CLIP3: variants seen among roughly 807,000 people sequenced by gnomAD.
CLIP3 encodes the protein CAP-Gly domain-containing linker protein 3.
A neutral mutation model predicts 59.4 loss-of-function variants in CLIP3; 15 were observed. The ratio of observed to expected loss-of-function variants is 0.25; its 90% confidence interval spans 0.17 to 0.39. CLIP3 has a LOEUF of 0.39. CLIP3 is among the 10% of genes least tolerant of loss of function. CLIP3 has a pLI of 1.00. For missense variants in CLIP3, 495 were observed against 765.7 expected (o/e 0.65, Z 4.17); for synonymous variants, 300 against 321.6 (o/e 0.93, Z 0.72).
Position 36,016,245 on chromosome 19 carries a change from G to A in CLIP3, c.1590-33C>T, listed in dbSNP as rs1968796311. ...GGAGGATGACAGGGTCACGCCCTTA[G>A]GCAGGCAGCGGGGACATCTGCACCC... On this transcript the variant is annotated intron_variant, in intron 13 of 13. Transcript: ENST00000360535. The surrounding 1 kb of genome is among the most constrained non-coding windows in gnomAD (Gnocchi z 4.1). 6.2e-7 allele frequency: 1 copy of A among 1,613,252 alleles called. No individual in the cohort carries two copies. The highest frequency in any genetic ancestry group is 8.5e-7 in the Non-Finnish European group (1 of 1,179,498).
chr19:36,024,989 C>A (rs1303263553), intron 6 of CLIP3, among the ~76,000 whole-genome samples: 4 of 151,714 alleles, frequency 2.6e-5, no homozygotes, highest in Non-Finnish European at 5.9e-5. Context: ...TCGCTTGAAT[C>A]CGGGAAGCAG....
rs1344237868 is a variant in CLIP3 at position 36,024,390 on chromosome 19, CCT to C, written c.918+4_918+5del. On this transcript the variant is annotated splice_donor_5th_base_variant and intron_variant, in intron 7 of 13. Transcript: ENST00000360535. Reference sequence around the variant, plus strand: ...CACCATGCAAACACACATCCCAGCCCCTGACCTTCTGGCCATCCAGCAGCACG... The same window carrying C: ...CACCATGCAAACACACATCCCAGCCCGACCTTCTGGCCATCCAGCAGCACG... The C allele has an allele frequency of 6.2e-7, 1 of 1,612,422 alleles. No homozygotes were observed. The highest frequency in any genetic ancestry group is 1.1e-5 in the South Asian group (1 of 90,956).
At position 36,017,425 on chromosome 19, in the gene CLIP3, C is replaced by G. The variant is rs748292401; in HGVS notation, c.1477G>C (p.Gly493Arg). 6.2e-7 allele frequency: 1 copy of G among 1,613,648 alleles called. No homozygotes were observed. Among genetic ancestry groups the G allele is most frequent in the African/African-American group, 1.3e-5 (1 of 75,012 alleles). Reference protein sequence around the residue: ...QRIGGSTDSPGDSVGAKKVHQ... With the variant: ...QRIGGSTDSPRDSVGAKKVHQ... The stretch of plus-strand genomic sequence containing the variant: ...ACTTTTTTGGCTCCAACGCTGTCCC[C>G]GGGGGAATCAGTGGATCCGCCAATC... The change falls in exon 12 of 14, where the codon GGG (glycine) becomes CGG (arginine). Residue 493 changes from glycine (G) to arginine (R), a missense_variant. Transcript: ENST00000360535.
At position 36,026,959 on chromosome 19, in the gene CLIP3, G is replaced by C; in HGVS notation, c.393C>G (p.His131Gln). ...LLHYACKAGA[H>Q]GVGDPAAAVR... is the part of the protein sequence containing the mutation. ...GGGGTAGGGGGCCCTCACCGACTCC[G>C]TGGGCCCCAGCTTTGCACGCATAGT... is the stretch of plus-strand genomic sequence containing the variant. Residue 131 changes from histidine (H) to glutamine (Q), a missense_variant, in exon 4 of 14, where the codon CAC becomes CAG. Physicochemically the swap from His to Gln is conservative, Grantham distance 24. Coordinates refer to ENST00000360535, the MANE Select transcript of CLIP3 (RefSeq NM_015526.3). The surrounding 1 kb of genome is among the most constrained non-coding windows in gnomAD (Gnocchi z 6.3). 1 of 1,544,600 alleles carries C rather than the reference G, an allele frequency of 6.5e-7. No homozygotes were observed. The highest frequency in any genetic ancestry group is 8.7e-7 in the Non-Finnish European group (1 of 1,147,982).
rs752964589 is a variant in CLIP3 at position 36,032,263 on chromosome 19, C to A, written c.95G>T (p.Ser32Ile). 2 of 1,300,016 alleles carry A rather than the reference C, an allele frequency of 1.5e-6. No homozygotes were observed. Among genetic ancestry groups the A allele is most frequent in the African/African-American group, 3.0e-5 (2 of 65,702 alleles). 80.5% of individuals were successfully genotyped at this position (1,300,016 alleles called of 1,614,324 possible). Residue 32 changes from serine (S) to isoleucine (I), a missense_variant, in exon 2 of 14, where the codon AGC becomes ATC. By Grantham distance (142) the Ser-to-Ile change is moderately radical. Around this residue, in one of 5 missense-constraint regions of CLIP3, gnomAD observed 90 missense variants for 105.2 expected, o/e 0.86. Transcript: ENST00000360535. This position sits in a 1 kb window ranked among gnomAD's most constrained non-coding sequence, Gnocchi z 4.3. ...EEDEPVPEAP[S>I]PTQERRQKPV... ...CTTCTGCCGGCGCTCCTGGGTGGGGCTGGGGGCCTCGGGGACGGGTTCATC... is the reference window on the plus strand; with the variant it reads ...CTTCTGCCGGCGCTCCTGGGTGGGGATGGGGGCCTCGGGGACGGGTTCATC...
In CLIP3 at chr19:36,026,500, CTT is replaced by C; in HGVS notation, c.562+84_562+85del. On this transcript the variant is annotated intron_variant, in intron 5 of 13. Transcript: ENST00000360535. The surrounding 1 kb of genome is among the most constrained non-coding windows in gnomAD (Gnocchi z 6.3). ...GCTATCTCCTCAGATCACCGTCCTC[CTT>C]CCCCTCGCAGCCTGGCCTCACCTGG... 1 of 1,560,576 alleles carries C rather than the reference CTT, an allele frequency of 6.4e-7. No homozygotes were observed. The highest frequency in any genetic ancestry group is 1.2e-5 in the South Asian group (1 of 86,364).
At chr19:36,028,801 C>G (rs1270386774) in intron 2 of CLIP3, among the ~76,000 whole-genome samples, 7 of 152,090 alleles carry the variant, frequency 4.6e-5, no homozygotes, top group Admixed American at 4.6e-4. Flanking sequence ...CCACACTGGG[C>G]TCCCTCTGTC....
rs71167588 is a variant in CLIP3 at position 36,028,996 on chromosome 19, C to CTTTTT, written c.167-1730_167-1726dup. Among the ~76,000 whole-genome samples, 33 of 65,278 alleles carry CTTTTT rather than the reference C, an allele frequency of 5.1e-4. 7 individuals are homozygous for CTTTTT. Among genetic ancestry groups the CTTTTT allele is most frequent in the African/African-American group, 2.2e-3 (33 of 15,186 alleles). The allele number at this position is 65,278 out of a possible 152,430, so 42.8% of individuals were successfully genotyped here. On this transcript the variant is annotated intron_variant, in intron 2 of 13. Transcript: ENST00000360535. ...CACCCGCCCTTCTCCATCTCCTACT[C>CTTTTT]TTTTTTTTTTTTTTTTTTTTTTTTT...
Position 36,016,964 on chromosome 19 carries a change from C to T in CLIP3, c.1532G>A (p.Arg511His), listed in dbSNP as rs774871864. 44 of 1,613,788 alleles carry T rather than the reference C, an allele frequency of 2.7e-5. No individual in the cohort carries two copies. The East Asian group carries it at 7.8e-4, about 29-fold the overall frequency. ...VHQVTMTQPK[R>H]TFTTVRTPKD... Reference sequence around the variant, plus strand: ...TGGGGTCCGGACTGTGGTGAAGGTGCGTTTGGGCTGCGTCACTGAAGAGGA... The same window carrying T: ...TGGGGTCCGGACTGTGGTGAAGGTGTGTTTGGGCTGCGTCACTGAAGAGGA... The change falls in exon 13 of 14, where the codon CGC (arginine) becomes CAC (histidine). Residue 511 changes from arginine to histidine, a missense_variant. Coordinates refer to ENST00000360535, the MANE Select transcript of CLIP3 (RefSeq NM_015526.3). The surrounding 1 kb of genome is among the most constrained non-coding windows in gnomAD (Gnocchi z 4.1).
At chr19:36,027,346 G>T in intron 2 of CLIP3, 75 bp from the exon 3 acceptor site, 1 of 1,492,424 alleles carries the variant, frequency 6.7e-7, no homozygotes, top group Non-Finnish European at 8.9e-7. Context: ...GGAGCTGTAG[G>T]TCTTTGCCTT....
At chr19:36,030,494 A>G (rs1969226425) in intron 2 of CLIP3, among the ~76,000 whole-genome samples, 2 of 152,126 alleles carry the variant, frequency 1.3e-5, no homozygotes, top group Non-Finnish European at 2.9e-5. Flanking sequence ...TGAACCTCAC[A>G]GCTGCCGGGG....
At chr19:36,017,601 G>A in intron 11 of CLIP3, 54 bp downstream of exon 11, 1 of 1,610,772 alleles carries the variant, frequency 6.2e-7, no homozygotes, top group Non-Finnish European at 8.5e-7. Context: ...CCATCTGAGG[G>A]GGGATCAGGG....
In CLIP3 at chr19:36,026,526, G is replaced by T; in HGVS notation, c.562+60C>A. On this transcript the variant is annotated intron_variant, in intron 5 of 13. Coordinates refer to ENST00000360535, the MANE Select transcript of CLIP3 (RefSeq NM_015526.3). This position sits in a 1 kb window ranked among gnomAD's most constrained non-coding sequence, Gnocchi z 6.3. ...TTCCCCTCGCAGCCTGGCCTCACCT[G>T]GGTCTCCGCGTCCCTCACCCAGGTC... 2 of 1,598,924 alleles carry T rather than the reference G, an allele frequency of 1.3e-6. No individual in the cohort carries two copies. Among genetic ancestry groups the T allele is most frequent in the Non-Finnish European group, 1.7e-6 (2 of 1,171,010 alleles).
intron 7 of CLIP3, 78 bp downstream of exon 7, chr19:36,024,318 C>T (rs8100476): frequency 0.13 from 170,013 of 1,282,850 alleles, 12,697 homozygotes; most frequent in Middle Eastern, 0.22. Context: ...GCACTCTGCC[C>T]GAGGACGCAG....
chr19:36,019,711 T>A (rs1395516084), intron 7 of CLIP3, among the ~76,000 whole-genome samples: 1 of 151,746 alleles, frequency 6.6e-6, no homozygotes, highest in East Asian at 2.0e-4. Context: ...CAAGCAATTC[T>A]CCCATCTCAG....
At chr19:36,031,552 T>G (rs1405366772) in intron 2 of CLIP3, among the ~76,000 whole-genome samples, 1 of 152,124 alleles carries the variant, frequency 6.6e-6, no homozygotes, top group Admixed American at 6.6e-5. Flanking sequence ...GGCCGCCCTC[T>G]CAGCTCCATA....
chr19:36,028,803 C>T (rs576656489), intron 2 of CLIP3, among the ~76,000 whole-genome samples: 1 of 152,148 alleles, frequency 6.6e-6, no homozygotes, highest in Non-Finnish European at 1.5e-5. Context: ...ACACTGGGCT[C>T]CCTCTGTCCC....
intron 8 of CLIP3, 55 bp downstream of exon 8, chr19:36,019,116 G>T: frequency 6.2e-7 from 1 of 1,609,730 alleles, no homozygotes; most frequent in Non-Finnish European, 8.5e-7. Context: ...AGCAGCATCA[G>T]AACTGCCGAG....
chr19:36,030,677 A>T (rs1969230359), intron 2 of CLIP3, among the ~76,000 whole-genome samples: 1 of 152,188 alleles, frequency 6.6e-6, no homozygotes, highest in Non-Finnish European at 1.5e-5. Flanking sequence ...CACTTAGAAT[A>T]TAACCAAAGT....
Sources: allele counts gnomAD v4.1 joint callset (sites outside exome capture counted in the v4.1 genomes callset), GRCh38; gene constraint gnomAD v4.1.1; regional missense constraint gnomAD v4.1.1; non-coding constraint Gnocchi (gnomAD v3.1); transcripts MANE v1.5; gene names NCBI Gene and HGNC (gene_info 2026-07-23, HGNC 2026-07-21).